Variants in ACYP2 observed in about 807,000 individuals in gnomAD.
ACYP2 encodes the protein acylphosphatase-2.
A neutral mutation model predicts 11.2 loss-of-function variants in ACYP2; 12 were observed. The observed-to-expected ratio is 1.08, with a 90% confidence interval of 0.69 to 1.74. ACYP2 has a LOEUF of 1.74. Ranked by LOEUF, ACYP2 falls within the 40% of genes most tolerant of loss-of-function variation. The probability of loss-of-function intolerance (pLI) is 0.00; values close to 1 mark genes in which losing one functional copy is unlikely to be tolerated. For missense variants in ACYP2, 134 were observed against 101.9 expected (o/e 1.31, Z -1.35); for synonymous variants, 43 against 32.2 (o/e 1.33, Z -1.13).
At chr2:54,009,490 C>T (rs965221279) in intron 2 of ACYP2, among the ~76,000 whole-genome samples, 2 of 152,124 alleles carry the variant, frequency 1.3e-5, no homozygotes, top group African/African-American at 4.8e-5. Flanking sequence ...AAGAGAAGCA[C>T]TTGTACCCAG....
At chr2:53,978,056 G>GTTCGAGA (rs1445316314) in intron 2 of ACYP2, among the ~76,000 whole-genome samples, 1 of 152,050 alleles carries the variant, frequency 6.6e-6, no homozygotes, top group Non-Finnish European at 1.5e-5. Flanking sequence ...GAGGTCAGGA[G>GTTCGAGA]TTCGAGATCA....
intron 4 of ACYP2, among the ~76,000 whole-genome samples, chr2:54,108,513 C>T (rs2103714037): frequency 6.6e-6 from 1 of 152,338 alleles, no homozygotes; most frequent in East Asian, 1.9e-4. Flanking sequence ...CGGATAGGCT[C>T]CTTGCTTCCA....
chr2:54,199,181 T>C (rs74567783), intron 6 of ACYP2, among the ~76,000 whole-genome samples: 1 of 152,176 alleles, frequency 6.6e-6, no homozygotes, highest in South Asian at 2.1e-4. Flanking sequence ...GCTCGCTGAG[T>C]TGTAGATGTA....
intron 2 of ACYP2, among the ~76,000 whole-genome samples, chr2:53,978,959 C>T (rs919988008): frequency 6.6e-6 from 1 of 151,936 alleles, no homozygotes; most frequent in African/African-American, 2.4e-5. Flanking sequence ...TACACTCATA[C>T]AGCACGTGAT....
chr2:53,977,208 C>T (rs1016452603), intron 2 of ACYP2, among the ~76,000 whole-genome samples: 1 of 151,994 alleles, frequency 6.6e-6, no homozygotes, highest in Non-Finnish European at 1.5e-5. Flanking sequence ...CCATCACGCC[C>T]AGCTAATTTT....
rs868156957 is a variant in ACYP2, at chr2:54,037,805, A to T, written c.63-13153A>T. ...AAACAAATGAAATGTAAGACTTTTA[A>T]TAAGCTAGGTGGTTATCAATGGTCA... On this transcript the variant is annotated intron_variant, in intron 2 of 6. Transcript: ENST00000607452. 9.8e-5 allele frequency among the ~76,000 whole-genome samples: 15 copies of T among 152,354 alleles called. No individual in the cohort carries two copies. In the South Asian group the frequency reaches 1.0e-3, roughly 11 times the overall value.
chr2:54,034,967 G>GCA (rs1674797660), intron 2 of ACYP2, among the ~76,000 whole-genome samples: 1 of 133,616 alleles, frequency 7.5e-6, no homozygotes, highest in Non-Finnish European at 1.5e-5. Context: ...CTGAGATCAT[G>GCA]CCACTGCACT....
At chr2:54,107,463 T>A (rs1679226494) in intron 4 of ACYP2, among the ~76,000 whole-genome samples, 1 of 152,246 alleles carries the variant, frequency 6.6e-6, no homozygotes, top group Admixed American at 6.5e-5. Context: ...CAGAAAGGGA[T>A]GGCATATTTG....
chr2:54,242,816 G>A (rs2103989192), intron 6 of ACYP2, among the ~76,000 whole-genome samples: 1 of 152,306 alleles, frequency 6.6e-6, no homozygotes, highest in African/African-American at 2.4e-5. Context: ...ATACCATCTA[G>A]ATTCATGTAA....
intron 6 of ACYP2, among the ~76,000 whole-genome samples, chr2:54,182,905 T>A (rs996960762): frequency 1.3e-5 from 2 of 152,094 alleles, no homozygotes; most frequent in African/African-American, 4.8e-5. Flanking sequence ...AAATACTTCA[T>A]ATGGAAAGGA....
intron 5 of ACYP2, among the ~76,000 whole-genome samples, chr2:54,138,010 C>A (rs1238422764): frequency 6.6e-6 from 1 of 152,102 alleles, no homozygotes; most frequent in Non-Finnish European, 1.5e-5. Context: ...TTGTGGTTTT[C>A]ATTTGCATTT....
At chr2:54,010,716 G>C (rs1024268251) in intron 2 of ACYP2, among the ~76,000 whole-genome samples, 5 of 145,260 alleles carry the variant, frequency 3.4e-5, no homozygotes, top group Non-Finnish European at 7.5e-5. Flanking sequence ...CCTCCACTTC[G>C]GTTTCTCTTT....
chr2:54,275,095 A>G (rs749160518), intron 6 of ACYP2, among the ~76,000 whole-genome samples: 17 of 152,242 alleles, frequency 1.1e-4, no homozygotes, highest in African/African-American at 3.4e-4. Flanking sequence ...TCCTTGCCTC[A>G]ATAACTTTGG....
chr2:54,255,759 G>A, intron 6 of ACYP2: 5 of 1,613,890 alleles, frequency 3.1e-6, no homozygotes, highest in Non-Finnish European at 3.4e-6. Context: ...CTGCCCCACA[G>A]GTTTCTAGAG....
chr2:54,033,834 A>T (rs1220136858), intron 2 of ACYP2, among the ~76,000 whole-genome samples: 1 of 152,250 alleles, frequency 6.6e-6, no homozygotes, highest in Non-Finnish European at 1.5e-5. Context: ...GAAATAAAGA[A>T]AGAACATAAT....
intron 4 of ACYP2, among the ~76,000 whole-genome samples, chr2:54,108,580 G>C (rs1369839639): frequency 2.6e-5 from 4 of 152,230 alleles, no homozygotes; most frequent in African/African-American, 9.6e-5. Context: ...ATTAGGAAGG[G>C]AGGGGTCTGT....
At chr2:54,144,432 C>G (rs1039221848) in intron 6 of ACYP2, among the ~76,000 whole-genome samples, 8 of 152,046 alleles carry the variant, frequency 5.3e-5, no homozygotes, top group Non-Finnish European at 4.4e-5. Flanking sequence ...CCCCAGCACT[C>G]TGGGAGGCTG....
chr2:54,006,362 G>T (rs1331500974), intron 2 of ACYP2, among the ~76,000 whole-genome samples: 1 of 152,018 alleles, frequency 6.6e-6, no homozygotes, highest in Non-Finnish European at 1.5e-5. Context: ...GGCCAGGCTG[G>T]TCTAGAACTC....
At chr2:54,068,953 G>T (rs1050705201) in intron 4 of ACYP2, among the ~76,000 whole-genome samples, 3 of 151,670 alleles carry the variant, frequency 2.0e-5, no homozygotes, top group Non-Finnish European at 2.9e-5. Context: ...TTAAGGCAGG[G>T]TCTCTCTCTG....
Sources: allele counts gnomAD v4.1 joint callset (sites outside exome capture counted in the v4.1 genomes callset), GRCh38; gene constraint gnomAD v4.1.1; transcripts MANE v1.5; gene names NCBI Gene and HGNC (gene_info 2026-07-23, HGNC 2026-07-21).